Variants in RCOR1 observed in about 807,000 individuals in gnomAD.
RCOR1 encodes the protein REST corepressor.
Under a neutral mutation model 64.0 loss-of-function variants are expected in RCOR1, and 12 were observed. That is an observed-to-expected ratio of 0.19 (90% CI 0.12 to 0.30). The LOEUF (loss-of-function observed/expected upper bound fraction) is 0.30. RCOR1 is among the 10% of genes least tolerant of loss of function. The pLI, the probability that RCOR1 is intolerant of heterozygous loss-of-function variation, is 1.00. For missense variants in RCOR1, 502 were observed against 621.2 expected (o/e 0.81, Z 2.04); for synonymous variants, 279 against 227.2 (o/e 1.23, Z -2.05).
At chr14:102,683,826 G>A (rs1360891042) in intron 3 of RCOR1, among the ~76,000 whole-genome samples, 1 of 152,230 alleles carries the variant, frequency 6.6e-6, no homozygotes, top group Non-Finnish European at 1.5e-5. Context: ...TGGCAGTGCT[G>A]GGCCTCAAGT....
intron 4 of RCOR1, among the ~76,000 whole-genome samples, chr14:102,705,667 C>G (rs1271551427): frequency 6.6e-6 from 1 of 152,156 alleles, no homozygotes; most frequent in Non-Finnish European, 1.5e-5. Context: ...CTAAGTTCCC[C>G]AGGCTGGTCT....
chr14:102,602,598 G>A (rs1893427068), intron 2 of RCOR1, among the ~76,000 whole-genome samples: 1 of 151,884 alleles, frequency 6.6e-6, no homozygotes, highest in East Asian at 1.9e-4. Flanking sequence ...AGTAGAGAAG[G>A]GGTTTCACCA....
At chr14:102,641,568 C>G (rs1000557105) in intron 2 of RCOR1, among the ~76,000 whole-genome samples, 11 of 152,000 alleles carry the variant, frequency 7.2e-5, no homozygotes, top group African/African-American at 2.7e-4. Flanking sequence ...CCACTGCACT[C>G]CAGTCCCAAC....
At chr14:102,711,058 C>T (rs1895947393) in intron 7 of RCOR1, 45 bp downstream of exon 7, 2 of 1,243,868 alleles carry the variant, frequency 1.6e-6, no homozygotes, top group Non-Finnish European at 2.3e-6. Context: ...AATTTTATTA[C>T]TAGTTTCATA....
intron 2 of RCOR1, among the ~76,000 whole-genome samples, chr14:102,671,315 G>A (rs1595222268): frequency 6.6e-6 from 1 of 152,170 alleles, no homozygotes; most frequent in Non-Finnish European, 1.5e-5. Flanking sequence ...GGGGTTATGA[G>A]AATGTGGGAA....
intron 2 of RCOR1, among the ~76,000 whole-genome samples, chr14:102,629,044 C>T (rs1291609768): frequency 6.6e-6 from 1 of 152,152 alleles, no homozygotes; most frequent in Non-Finnish European, 1.5e-5. Context: ...CAGGCGTGCG[C>T]CACCACATGC....
intron 2 of RCOR1, among the ~76,000 whole-genome samples, chr14:102,664,311 C>T (rs1000030175): frequency 3.9e-5 from 6 of 151,966 alleles, no homozygotes; most frequent in Admixed American, 3.9e-4. Context: ...GCCAGGTTTT[C>T]ACCATGTTGT....
rs770628921 is a variant in RCOR1 at position 102,593,110 on chromosome 14, C to A, written c.224C>A (p.Ala75Glu). Reference protein sequence around the residue: ...PNNGQNKSLAAAAPNGNSSSN... With the variant: ...PNNGQNKSLAEAAPNGNSSSN... ...AATGGCCAGAATAAAAGTTTGGCGGCGGCGGCGCCCAATGGCAACAGCAGC... is the reference window on the plus strand; with the variant it reads ...AATGGCCAGAATAAAAGTTTGGCGGAGGCGGCGCCCAATGGCAACAGCAGC... The change falls in exon 1 of 12, where the codon GCG becomes GAG. Residue 75 changes from alanine (A) to glutamate (E), a missense_variant. Physicochemically the swap from Ala to Glu is moderately radical, Grantham distance 107. This residue lies in a region of RCOR1 where 242 missense variants were observed against 204.9 expected (regional missense o/e 1.18). Coordinates refer to ENST00000262241, the MANE Select transcript of RCOR1 (RefSeq NM_015156.4). The A allele has an allele frequency of 1.3e-6, 2 of 1,504,162 alleles. No individual in the cohort carries two copies. Among genetic ancestry groups the A allele is most frequent in the South Asian group, 2.5e-5 (2 of 79,250 alleles). The allele number at this position is 1,504,162 out of a possible 1,614,324, so 93.2% of individuals were successfully genotyped here.
chr14:102,643,474 T>A, intron 2 of RCOR1: 2 of 231,012 alleles, frequency 8.7e-6, no homozygotes, highest in Non-Finnish European at 1.4e-5. Flanking sequence ...GGTAATTACC[T>A]TGCCAGAACT....
Position 102,707,337 on chromosome 14 carries a change from T to TA in RCOR1, c.499-13dup. The TA allele has an allele frequency of 6.4e-7, 1 of 1,563,662 alleles. No individual in the cohort carries two copies. The highest frequency in any genetic ancestry group is 8.6e-7 in the Non-Finnish European group (1 of 1,161,414). On this transcript the variant is annotated splice_polypyrimidine_tract_variant and intron_variant, in intron 4 of 11. Coordinates refer to ENST00000262241, the MANE Select transcript of RCOR1 (RefSeq NM_015156.4). The stretch of plus-strand genomic sequence containing the variant: ...TTTGTTTGATCTAAAATTTTACTGA[T>TA]ATCATTTTTGTAGGCTCTTGGGATG...
At chr14:102,658,878 G>C (rs1894777082) in intron 2 of RCOR1, among the ~76,000 whole-genome samples, 2 of 152,174 alleles carry the variant, frequency 1.3e-5, no homozygotes, top group African/African-American at 2.4e-5. Flanking sequence ...GTGGTGGGAG[G>C]TGTAGTGCAT....
At chr14:102,665,890 C>T (rs1894908344) in intron 2 of RCOR1, among the ~76,000 whole-genome samples, 1 of 152,194 alleles carries the variant, frequency 6.6e-6, no homozygotes, top group South Asian at 2.1e-4. Flanking sequence ...ATCATACTGG[C>T]TCAAAAGCCA....
intron 8 of RCOR1, among the ~76,000 whole-genome samples, chr14:102,720,199 G>A (rs372447649): frequency 2.0e-5 from 3 of 152,288 alleles, no homozygotes; most frequent in African/African-American, 7.2e-5. Flanking sequence ...GAAAAATGCT[G>A]GAGTTCAGAG....
chr14:102,664,201 G>A (rs1045353688), intron 2 of RCOR1, among the ~76,000 whole-genome samples: 3 of 152,150 alleles, frequency 2.0e-5, no homozygotes, highest in Non-Finnish European at 4.4e-5. Flanking sequence ...CGCCTCCTGG[G>A]TTCAAGTGAT....
chr14:102,668,161 C>T (rs1214720346), intron 2 of RCOR1, among the ~76,000 whole-genome samples: 1 of 152,136 alleles, frequency 6.6e-6, no homozygotes, highest in Non-Finnish European at 1.5e-5. Flanking sequence ...TGTTTAATTC[C>T]TCTACATCAC....
intron 2 of RCOR1, among the ~76,000 whole-genome samples, chr14:102,595,244 G>C (rs1243167660): frequency 2.0e-5 from 3 of 152,250 alleles, no homozygotes; most frequent in Non-Finnish European, 2.9e-5. Flanking sequence ...GCTCACACCT[G>C]TAGTCCCAAC....
At chr14:102,688,111 C>T (rs576309860) in intron 3 of RCOR1, among the ~76,000 whole-genome samples, 8 of 152,178 alleles carry the variant, frequency 5.3e-5, no homozygotes, top group African/African-American at 1.4e-4. Context: ...GGATTACATG[C>T]GTGTGCCACC....
intron 2 of RCOR1, among the ~76,000 whole-genome samples, chr14:102,676,981 G>A (rs1398857136): frequency 1.8e-5 from 2 of 110,094 alleles, no homozygotes; most frequent in African/African-American, 7.7e-5. Context: ...AGGGGCGGCC[G>A]GGCAGAGGCG....
At chr14:102,690,906 A>G (rs1895520244) in intron 3 of RCOR1, among the ~76,000 whole-genome samples, 1 of 152,224 alleles carries the variant, frequency 6.6e-6, no homozygotes, top group African/African-American at 2.4e-5. Context: ...AAGTTATTGA[A>G]TGAATGAGAA....
Sources: allele counts gnomAD v4.1 joint callset (sites outside exome capture counted in the v4.1 genomes callset), GRCh38; gene constraint gnomAD v4.1.1; regional missense constraint gnomAD v4.1.1; transcripts MANE v1.5; gene names NCBI Gene and HGNC (gene_info 2026-07-23, HGNC 2026-07-21).